The following PXDNL variants were observed in gnomAD, a reference collection of about 807,000 sequenced individuals.
The protein encoded by PXDNL is peroxidasin like.
In PXDNL, 145 loss-of-function variants were observed where a neutral mutation model predicts 150.8. The ratio of observed to expected loss-of-function variants is 0.96; its 90% CI spans 0.84 to 1.10. The LOEUF (loss-of-function observed/expected upper bound fraction) is 1.10, where lower values mean the gene tolerates loss of function less well. Among genes scored for constraint, PXDNL ranks in the 50% least tolerant of loss-of-function variants. PXDNL has a pLI of 0.00. For missense variants in PXDNL, 2,087 were observed against 1,873.9 expected (o/e 1.11, Z -2.10); for synonymous variants, 757 against 725.7 (o/e 1.04, Z -0.69).
chr8:51,336,508 C>T (rs1228418210), intron 21 of PXDNL, among the ~76,000 whole-genome samples: 1 of 152,180 alleles, frequency 6.6e-6, no homozygotes, highest in Admixed American at 6.5e-5. Context: ...CAGGGCTTGT[C>T]GCATCTCAAA....
intron 2 of PXDNL, among the ~76,000 whole-genome samples, chr8:51,596,853 G>A (rs1813580548): frequency 6.6e-6 from 1 of 152,042 alleles, no homozygotes; most frequent in Non-Finnish European, 1.5e-5. Flanking sequence ...CATTCTGTAG[G>A]TTGTCTGTTT....
chr8:51,433,860 A>G (rs1429031402), intron 12 of PXDNL, among the ~76,000 whole-genome samples: 1 of 152,194 alleles, frequency 6.6e-6, no homozygotes, highest in Non-Finnish European at 1.5e-5. Context: ...CATATATTCC[A>G]TTGTAAGTCA....
chr8:51,461,201 G>A (rs541210933), intron 8 of PXDNL, among the ~76,000 whole-genome samples: 1 of 152,210 alleles, frequency 6.6e-6, no homozygotes, highest in Non-Finnish European at 1.5e-5. Flanking sequence ...GCTGAGATCT[G>A]TGACTAGAGA....
chr8:51,393,759 T>C (rs2130845920), intron 17 of PXDNL, among the ~76,000 whole-genome samples: 1 of 151,052 alleles, frequency 6.6e-6, no homozygotes, highest in East Asian at 2.0e-4. Context: ...AATAGGAGAG[T>C]GAAAAGAAGG....
At chr8:51,601,996 G>A (rs558633949) in intron 2 of PXDNL, among the ~76,000 whole-genome samples, 3 of 151,840 alleles carry the variant, frequency 2.0e-5, no homozygotes, top group Non-Finnish European at 4.4e-5. Context: ...ATTTTGGTGG[G>A]ATATGAAATT....
chr8:51,672,480 C>G (rs934838733), intron 1 of PXDNL, among the ~76,000 whole-genome samples: 4 of 152,112 alleles, frequency 2.6e-5, no homozygotes, highest in Non-Finnish European at 4.4e-5. Context: ...TCGTTTCTGC[C>G]TGGCTCAACA....
chr8:51,738,567 A>G (rs1438929178), intron 1 of PXDNL, among the ~76,000 whole-genome samples: 2 of 152,136 alleles, frequency 1.3e-5, no homozygotes, highest in Non-Finnish European at 2.9e-5. Flanking sequence ...ACACGCACAC[A>G]CACACACACA....
At chr8:51,495,975 A>C (rs1050859826) in intron 5 of PXDNL, among the ~76,000 whole-genome samples, 7 of 152,134 alleles carry the variant, frequency 4.6e-5, no homozygotes, top group South Asian at 4.1e-4. Flanking sequence ...GAGACACAAC[A>C]AAAAAAGAGA....
At chr8:51,525,406 T>C (rs1250141969) in intron 4 of PXDNL, among the ~76,000 whole-genome samples, 1 of 152,244 alleles carries the variant, frequency 6.6e-6, no homozygotes, top group Non-Finnish European at 1.5e-5. Context: ...GTCCAGTAAT[T>C]ACCACGTGTA....
chr8:51,711,994 T>A (rs898685532), intron 1 of PXDNL, among the ~76,000 whole-genome samples: 1 of 152,172 alleles, frequency 6.6e-6, no homozygotes, highest in African/African-American at 2.4e-5. Context: ...GCCAAGGAGA[T>A]GGGAATTCAG....
chr8:51,351,526 C>G (rs1806351381), intron 19 of PXDNL, among the ~76,000 whole-genome samples: 2 of 152,222 alleles, frequency 1.3e-5, no homozygotes, highest in African/African-American at 2.4e-5. Context: ...GCCCTGCCAG[C>G]ACTTGATCTT....
intron 9 of PXDNL, among the ~76,000 whole-genome samples, chr8:51,456,540 C>A (rs1486116674): frequency 6.6e-6 from 1 of 152,232 alleles, no homozygotes; most frequent in Admixed American, 6.5e-5. Context: ...GACTGCTACA[C>A]AAAGCCATTC....
intron 2 of PXDNL, among the ~76,000 whole-genome samples, chr8:51,601,140 G>A (rs1277023000): frequency 1.3e-5 from 2 of 151,322 alleles, no homozygotes; most frequent in African/African-American, 4.9e-5. Flanking sequence ...TTATGGCCAA[G>A]CATATGGTCA....
At chr8:51,667,449 G>A (rs1475343535) in intron 1 of PXDNL, among the ~76,000 whole-genome samples, 1 of 152,188 alleles carries the variant, frequency 6.6e-6, no homozygotes, top group Non-Finnish European at 1.5e-5. Context: ...GGTGAAAACT[G>A]CACAAAATGT....
chr8:51,561,239 C>A (rs1421826804), intron 3 of PXDNL, among the ~76,000 whole-genome samples: 4 of 151,836 alleles, frequency 2.6e-5, no homozygotes, highest in African/African-American at 9.7e-5. Flanking sequence ...TCTAGCAATT[C>A]CTAGGCAAAT....
At chr8:51,741,957 A>T (rs886714506) in intron 1 of PXDNL, among the ~76,000 whole-genome samples, 1 of 152,234 alleles carries the variant, frequency 6.6e-6, no homozygotes, top group Non-Finnish European at 1.5e-5. Flanking sequence ...CAGCGTTTTT[A>T]TTCATAACAC....
intron 5 of PXDNL, among the ~76,000 whole-genome samples, chr8:51,491,817 G>C (rs1342686011): frequency 6.6e-6 from 1 of 152,238 alleles, no homozygotes; most frequent in Non-Finnish European, 1.5e-5. Context: ...CCAAATTAAA[G>C]TTGGAGTCCC....
chr8:51,353,731 G>A (rs1806421716), intron 19 of PXDNL, among the ~76,000 whole-genome samples: 1 of 152,126 alleles, frequency 6.6e-6, no homozygotes. Flanking sequence ...GATCTCATTA[G>A]TAATATTCAG....
chr8:51,336,160 C>T (rs573063243), intron 21 of PXDNL, among the ~76,000 whole-genome samples: 7 of 152,268 alleles, frequency 4.6e-5, no homozygotes, highest in Admixed American at 3.3e-4. Context: ...CATGATGAGG[C>T]CCATTATGGT....
Sources: gnomAD v4.1 joint callset for allele counts (sites outside exome capture counted in the v4.1 genomes callset) on GRCh38, gnomAD v4.1.1 for gene constraint, MANE v1.5 for transcripts, NCBI Gene and HGNC (gene_info 2026-07-23, HGNC 2026-07-21) for gene names.